Variants in PCSK5 observed in about 807,000 individuals in gnomAD.
The protein encoded by PCSK5 is prohormone convertase 5.
A neutral mutation model predicts 233.2 loss-of-function variants in PCSK5; 129 were observed. The observed-to-expected ratio is 0.55, with a 90% CI of 0.48 to 0.64. The LOEUF is 0.64. Ranked by LOEUF, PCSK5 falls within the 30% of genes least tolerant of loss-of-function variation. The pLI, the probability that PCSK5 is intolerant of heterozygous loss-of-function variation, is 0.00. For synonymous variants in PCSK5, 825 were observed against 879.2 expected (o/e 0.94, Z 1.09); for missense variants, 2,076 against 2,430.1 (o/e 0.85, Z 3.06).
intron 5 of PCSK5, among the ~76,000 whole-genome samples, chr9:76,040,843 A>G (rs1829087474): frequency 6.6e-6 from 1 of 152,250 alleles, no homozygotes; most frequent in Admixed American, 6.5e-5. Context: ...GGATTTCTGA[A>G]TACCTAGTAG....
chr9:76,167,699 T>G (rs1240706828), intron 12 of PCSK5, among the ~76,000 whole-genome samples: 1 of 152,198 alleles, frequency 6.6e-6, no homozygotes, highest in African/African-American at 2.4e-5. Flanking sequence ...CTAGTTACTT[T>G]TATGTTTAGA....
chr9:76,146,719 G>A (rs1250451320), intron 10 of PCSK5, among the ~76,000 whole-genome samples: 1 of 152,014 alleles, frequency 6.6e-6, no homozygotes, highest in African/African-American at 2.4e-5. Context: ...GAGTACCTTA[G>A]TGGAAAGAAA....
intron 26 of PCSK5, among the ~76,000 whole-genome samples, chr9:76,295,686 G>C (rs1828415998): frequency 1.3e-5 from 2 of 152,184 alleles, no homozygotes; most frequent in Admixed American, 1.3e-4. Context: ...TAGAGAGTGG[G>C]GACCTGAAGA....
At chr9:76,244,472 C>T (rs957018440) in intron 24 of PCSK5, among the ~76,000 whole-genome samples, 6 of 151,574 alleles carry the variant, frequency 4.0e-5, no homozygotes, top group South Asian at 2.1e-4. Flanking sequence ...CAGGTCTAGA[C>T]GATCTCTAGG....
At chr9:76,069,555 G>T (rs560633618) in intron 6 of PCSK5, among the ~76,000 whole-genome samples, 2 of 151,866 alleles carry the variant, frequency 1.3e-5, no homozygotes, top group African/African-American at 2.4e-5. Context: ...AGGCATGAAG[G>T]CTTGGAGTTA....
intron 24 of PCSK5, among the ~76,000 whole-genome samples, chr9:76,259,051 C>T (rs951818907): frequency 2.6e-5 from 4 of 152,174 alleles, no homozygotes; most frequent in East Asian, 1.9e-4. Flanking sequence ...CATATGATGG[C>T]GCATGATGCT....
chr9:76,263,521 C>T (rs1371264654), intron 24 of PCSK5, among the ~76,000 whole-genome samples: 6 of 151,688 alleles, frequency 4.0e-5, no homozygotes, highest in Non-Finnish European at 5.9e-5. Context: ...AGTAAACTAT[C>T]GCAAGAACAA....
At chr9:76,357,185 T>A (rs1005164134) in intron 37 of PCSK5, among the ~76,000 whole-genome samples, 5 of 152,196 alleles carry the variant, frequency 3.3e-5, no homozygotes, top group Non-Finnish European at 5.9e-5. Flanking sequence ...AATCAAGGCA[T>A]CAAAACAGAG....
chr9:76,055,468 T>C (rs1348048966), intron 5 of PCSK5, among the ~76,000 whole-genome samples: 2 of 152,178 alleles, frequency 1.3e-5, no homozygotes, highest in African/African-American at 4.8e-5. Context: ...AGGGGGATAA[T>C]GCATTTTCGG....
intron 3 of PCSK5, among the ~76,000 whole-genome samples, chr9:76,009,055 T>A (rs1827604809): frequency 6.6e-6 from 1 of 152,210 alleles, no homozygotes; most frequent in South Asian, 2.1e-4. Flanking sequence ...ATCTAGCAGC[T>A]CTACTTTAGG....
intron 5 of PCSK5, among the ~76,000 whole-genome samples, chr9:76,036,070 T>C (rs978507350): frequency 6.6e-6 from 1 of 152,162 alleles, no homozygotes; most frequent in Non-Finnish European, 1.5e-5. Context: ...CATTTTAACA[T>C]TACCAAAATA....
rs920089269 is a variant in PCSK5 at position 75,984,673 on chromosome 9, T to C, written c.298-1459T>C. Among the ~76,000 whole-genome samples the C allele has an allele frequency of 4.6e-5, 7 of 152,196 alleles. No homozygotes were observed. The South Asian group carries it at 1.5e-3, about 32-fold the overall frequency. On this transcript the variant is annotated intron_variant, in intron 2 of 37. Coordinates refer to ENST00000674117, the MANE Select transcript of PCSK5 (RefSeq NM_001372043.1). ...TATGAAGTGGAGAATTGTGGAATAC[T>C]TGTTACATTTCCTTGGTAAAGTGTA... is the stretch of plus-strand genomic sequence containing the variant.
intron 5 of PCSK5, among the ~76,000 whole-genome samples, chr9:76,049,568 A>G (rs564678069): frequency 6.6e-6 from 1 of 152,340 alleles, no homozygotes; most frequent in African/African-American, 2.4e-5. Context: ...CTCCCTGTGC[A>G]GAGTGCAGAG....
intron 12 of PCSK5, among the ~76,000 whole-genome samples, chr9:76,167,216 C>G (rs896462700): frequency 6.6e-6 from 1 of 151,054 alleles, no homozygotes; most frequent in Non-Finnish European, 1.5e-5. Flanking sequence ...CGAGAGGGAA[C>G]CTTTATAGAT....
At chr9:76,046,559 CTTTT>C (rs553542037) in intron 5 of PCSK5, among the ~76,000 whole-genome samples, 3 of 104,804 alleles carry the variant, frequency 2.9e-5, no homozygotes, top group African/African-American at 1.1e-4. Context: ...CTTTCTTTTT[CTTTT>C]TTTTTTTTTT....
intron 24 of PCSK5, among the ~76,000 whole-genome samples, chr9:76,270,010 A>AT (rs1383025665): frequency 2.0e-5 from 3 of 151,884 alleles, no homozygotes; most frequent in South Asian, 2.1e-4. Context: ...CTTTCAAAAT[A>AT]TTTTTTTAAA....
intron 1 of PCSK5, among the ~76,000 whole-genome samples, chr9:75,908,984 T>TATCTATCTATCTATCTATCTATC: frequency 7.1e-6 from 1 of 141,708 alleles, no homozygotes; most frequent in East Asian, 2.1e-4. Flanking sequence ...TCTATCTATC[T>TATCTATCTATCTATCTATCTATC]ATCTATCCGA....
chr9:76,088,498 A>C (rs1279759089), intron 7 of PCSK5, among the ~76,000 whole-genome samples: 1 of 152,260 alleles, frequency 6.6e-6, no homozygotes, highest in African/African-American at 2.4e-5. Context: ...GTAGAAGCAG[A>C]ACAAGAGAAA....
intron 24 of PCSK5, among the ~76,000 whole-genome samples, chr9:76,260,479 A>T (rs1484839498): frequency 6.6e-6 from 1 of 152,242 alleles, no homozygotes; most frequent in African/African-American, 2.4e-5. Context: ...GAGACAGGAG[A>T]GAAACCATCA....
Sources: allele counts gnomAD v4.1 joint callset (sites outside exome capture counted in the v4.1 genomes callset), GRCh38; gene constraint gnomAD v4.1.1; transcripts MANE v1.5; gene names NCBI Gene and HGNC (gene_info 2026-07-23, HGNC 2026-07-21).